The following FAM107B variants were observed in gnomAD, a reference collection of about 807,000 sequenced individuals.
FAM107B encodes protein FAM107B.
FAM107B carries 21 observed loss-of-function variants against 31.5 expected under a neutral mutation model. The observed-to-expected ratio is 0.67, with a 90% CI of 0.47 to 0.96. The LOEUF (loss-of-function observed/expected upper bound fraction) is 0.96. Among genes scored for constraint, FAM107B ranks in the 40% least tolerant of loss-of-function variants. The pLI, the probability that FAM107B is intolerant of heterozygous loss-of-function variation, is 0.00. For missense variants in FAM107B, 452 were observed against 377.1 expected (o/e 1.20, Z -1.64); for synonymous variants, 157 against 141.5 (o/e 1.11, Z -0.78).
chr10:14,598,479 A>C (rs1261657667), intron 2 of FAM107B, among the ~76,000 whole-genome samples: 1 of 152,202 alleles, frequency 6.6e-6, no homozygotes, highest in African/African-American at 2.4e-5. Flanking sequence ...GACTCCTCTT[A>C]GATGAAGCAT....
At chr10:14,546,502 T>C (rs1389688948) in intron 2 of FAM107B, among the ~76,000 whole-genome samples, 7 of 152,250 alleles carry the variant, frequency 4.6e-5, no homozygotes, top group African/African-American at 1.7e-4. Context: ...TATCTGCTTC[T>C]ATAGCTGATC....
intron 2 of FAM107B, among the ~76,000 whole-genome samples, chr10:14,535,747 A>C (rs1847541944): frequency 6.6e-6 from 1 of 152,204 alleles, no homozygotes; most frequent in Non-Finnish European, 1.5e-5. Flanking sequence ...CAAGCTGTTG[A>C]GTAATAACAG....
At chr10:14,625,317 A>G (rs11259235) in intron 2 of FAM107B, among the ~76,000 whole-genome samples, 18,047 of 151,004 alleles carry the variant, frequency 0.12, 1,210 homozygotes, top group East Asian at 0.31. Context: ...GAATTTTTCA[A>G]CCTGCCATGA....
intron 2 of FAM107B, chr10:14,554,002 C>T (rs906960131): frequency 3.2e-6 from 2 of 630,950 alleles, no homozygotes; most frequent in Non-Finnish European, 4.0e-6. Flanking sequence ...TTGTCTTCAC[C>T]TCCCAGGCTT....
chr10:14,610,342 C>CA (rs968925432), intron 2 of FAM107B, among the ~76,000 whole-genome samples: 73 of 145,186 alleles, frequency 5.0e-4, no homozygotes, highest in African/African-American at 1.6e-3. Context: ...GACTCCACTT[C>CA]AAAAAAAAAA....
At position 14,767,352 on chromosome 10, in the gene FAM107B, G is replaced by A. The variant is rs573156901; in HGVS notation, c.411+6901C>T. ...TATGATTCACCCACGTCAGCCTCCC[G>A]AAGTCCTGGGATTACAGGCATGAGC... On this transcript the variant is annotated intron_variant, in intron 1 of 4. Transcript: ENST00000181796. Among the ~76,000 whole-genome samples, 6 of 151,482 alleles carry A rather than the reference G, an allele frequency of 4.0e-5. No individual in the cohort carries two copies. In the East Asian group the frequency reaches 9.8e-4, roughly 25 times the overall value.
chr10:14,662,159 G>A (rs1188529945), intron 2 of FAM107B, among the ~76,000 whole-genome samples: 2 of 152,092 alleles, frequency 1.3e-5, no homozygotes, highest in Non-Finnish European at 2.9e-5. Flanking sequence ...ATATAGAAGG[G>A]ATTGCAACGC....
At chr10:14,659,037 G>A (rs1854149869) in intron 2 of FAM107B, among the ~76,000 whole-genome samples, 1 of 152,198 alleles carries the variant, frequency 6.6e-6, no homozygotes, top group Non-Finnish European at 1.5e-5. Flanking sequence ...AGAAGGAGCT[G>A]TGCAGACCAA....
chr10:14,752,814 C>G (rs1832856484), intron 1 of FAM107B, among the ~76,000 whole-genome samples: 1 of 152,006 alleles, frequency 6.6e-6, no homozygotes, highest in Non-Finnish European at 1.5e-5. Flanking sequence ...TGCCTGTGGT[C>G]CCAGCTACTT....
chr10:14,661,600 G>C (rs1854242082), intron 2 of FAM107B: 1 of 152,176 alleles, frequency 6.6e-6, no homozygotes, highest in South Asian at 2.1e-4. Flanking sequence ...TGGGGCTCTT[G>C]GATCTCGAGT....
intron 2 of FAM107B, among the ~76,000 whole-genome samples, chr10:14,555,241 G>A (rs1321934472): frequency 6.6e-6 from 1 of 152,112 alleles, no homozygotes; most frequent in African/African-American, 2.4e-5. Flanking sequence ...ATTTATAAAT[G>A]TTCAGGAAAC....
chr10:14,733,375 C>A (rs1177816509), intron 1 of FAM107B, among the ~76,000 whole-genome samples: 1 of 152,108 alleles, frequency 6.6e-6, no homozygotes, highest in East Asian at 1.9e-4. Flanking sequence ...TCACTGAGAT[C>A]TTTTGTTAAC....
intron 2 of FAM107B, among the ~76,000 whole-genome samples, chr10:14,660,171 A>C (rs753657880): frequency 2.0e-5 from 3 of 152,186 alleles, no homozygotes; most frequent in Non-Finnish European, 2.9e-5. Flanking sequence ...CAAGTGGTGT[A>C]ATCTTTGAGG....
intron 2 of FAM107B, among the ~76,000 whole-genome samples, chr10:14,640,161 C>T (rs1430067494): frequency 6.6e-6 from 1 of 152,202 alleles, no homozygotes; most frequent in African/African-American, 2.4e-5. Flanking sequence ...ACCCTCACAA[C>T]CAGCCTTTGA....
intron 2 of FAM107B, among the ~76,000 whole-genome samples, chr10:14,562,412 A>G (rs549402624): frequency 6.6e-6 from 1 of 152,340 alleles, no homozygotes; most frequent in Non-Finnish European, 1.5e-5. Flanking sequence ...AGTCAGTGAT[A>G]ATGTCTTCAA....
intron 1 of FAM107B, among the ~76,000 whole-genome samples, chr10:14,690,938 TG>T: frequency 1.9e-5 from 1 of 51,432 alleles, no homozygotes; most frequent in Admixed American, 2.3e-4. Flanking sequence ...ATTTGTTGAT[TG>T]ATTGATTGAT....
At chr10:14,748,916 G>A (rs11259301) in intron 1 of FAM107B, among the ~76,000 whole-genome samples, 5,572 of 152,324 alleles carry the variant, frequency 0.037, 359 homozygotes, top group African/African-American at 0.13. Context: ...GAGGGACCAT[G>A]TGGCCTCCTT....
intron 1 of FAM107B, among the ~76,000 whole-genome samples, chr10:14,688,155 T>G (rs1429363835): frequency 1.3e-5 from 2 of 152,244 alleles, no homozygotes; most frequent in East Asian, 3.8e-4. Context: ...GGATGCTTCC[T>G]GCCCTTGAAC....
At chr10:14,771,587 A>G (rs1477428615) in intron 1 of FAM107B, among the ~76,000 whole-genome samples, 3 of 152,226 alleles carry the variant, frequency 2.0e-5, no homozygotes, top group Admixed American at 6.5e-5. Flanking sequence ...CAAAAAATAT[A>G]CAACTGTGAT....
Sources: gnomAD v4.1 joint callset for allele counts (sites outside exome capture counted in the v4.1 genomes callset) on GRCh38, gnomAD v4.1.1 for gene constraint, MANE v1.5 for transcripts, NCBI Gene and HGNC (gene_info 2026-07-23, HGNC 2026-07-21) for gene names.